NBEA: variants seen among roughly 807,000 people sequenced by gnomAD.
The protein encoded by NBEA is lysosomal-trafficking regulator 2.
A neutral mutation model predicts 343.4 loss-of-function variants in NBEA; 44 were observed. The ratio of observed to expected loss-of-function variants is 0.13; its 90% CI spans 0.10 to 0.16. The LOEUF (loss-of-function observed/expected upper bound fraction) is 0.16, where lower values mean the gene tolerates loss of function less well. Among genes scored for constraint, NBEA ranks in the 10% least tolerant of loss-of-function variants. The pLI, the probability that NBEA is intolerant of heterozygous loss-of-function variation, is 1.00. For missense variants in NBEA, 2,555 were observed against 3,631.3 expected (o/e 0.70, Z 7.62); for synonymous variants, 1,175 against 1,238.7 (o/e 0.95, Z 1.08).
At chr13:35,661,490 C>A (rs2085087463) in intron 55 of NBEA, among the ~76,000 whole-genome samples, 1 of 152,168 alleles carries the variant, frequency 6.6e-6, no homozygotes, top group Non-Finnish European at 1.5e-5. Flanking sequence ...GGAAATGAAA[C>A]CACATCATGG....
At chr13:35,273,085 T>C (rs1373776615) in intron 34 of NBEA, among the ~76,000 whole-genome samples, 1 of 152,142 alleles carries the variant, frequency 6.6e-6, no homozygotes, top group Non-Finnish European at 1.5e-5. Context: ...TATTCTAAAA[T>C]TGACCACATA....
rs754350210 is a variant in NBEA at position 35,161,875 on chromosome 13, T to C, written c.3987T>C (p.Phe1329=). ...QFSPGPRTTM[F]RIPEFKWSPM... is the part of the protein sequence containing the mutation. ...GCCCAGGTCCACGGACTACAATGTTTCGTATTCCTGAGTTTAAATGGTCTC... is the reference window on the plus strand; with the variant it reads ...GCCCAGGTCCACGGACTACAATGTTCCGTATTCCTGAGTTTAAATGGTCTC... Residue 1329 remains phenylalanine (F), a synonymous_variant, in exon 23 of 59, where the codon TTT becomes TTC. Coordinates refer to ENST00000379939, the MANE Select transcript of NBEA (RefSeq NM_001385012.1). The C allele has an allele frequency of 1.3e-6, 2 of 1,599,054 alleles. No homozygotes were observed. Among genetic ancestry groups the C allele is most frequent in the Admixed American group, 3.4e-5 (2 of 58,006 alleles).
intron 35 of NBEA, among the ~76,000 whole-genome samples, chr13:35,302,578 T>A (rs957254533): frequency 6.6e-6 from 1 of 152,214 alleles, no homozygotes; most frequent in Non-Finnish European, 1.5e-5. Context: ...CCATATCATA[T>A]TAATGGAGCA....
At chr13:35,489,357 G>C (rs1337720314) in intron 41 of NBEA, among the ~76,000 whole-genome samples, 1 of 151,808 alleles carries the variant, frequency 6.6e-6, no homozygotes, top group African/African-American at 2.4e-5. Flanking sequence ...GTGCTTTGAG[G>C]AGTTTATAAG....
intron 38 of NBEA, among the ~76,000 whole-genome samples, chr13:35,395,944 T>A (rs1015659423): frequency 2.0e-5 from 3 of 152,212 alleles, no homozygotes; most frequent in African/African-American, 7.2e-5. Flanking sequence ...GATAATAATA[T>A]ACATAGCTAC....
At chr13:35,453,952 C>G (rs2046431620) in intron 40 of NBEA, among the ~76,000 whole-genome samples, 1 of 152,140 alleles carries the variant, frequency 6.6e-6, no homozygotes, top group African/African-American at 2.4e-5. Context: ...TTATATGGCT[C>G]CTGACCAATT....
chr13:35,184,898 C>T (rs2071584483), intron 30 of NBEA, among the ~76,000 whole-genome samples: 1 of 152,096 alleles, frequency 6.6e-6, no homozygotes, highest in African/African-American at 2.4e-5. Context: ...TGTGTACGCA[C>T]TCTGCAAAAT....
At chr13:35,476,202 T>TG (rs1426481477) in intron 41 of NBEA, 1 of 1,610,312 alleles carries the variant, frequency 6.2e-7, no homozygotes. Context: ...CCAATGCGGC[T>TG]GCTAGAGCTG....
At chr13:35,416,824 C>T (rs920339853) in intron 38 of NBEA, among the ~76,000 whole-genome samples, 4 of 152,148 alleles carry the variant, frequency 2.6e-5, no homozygotes, top group Admixed American at 2.6e-4. Context: ...ACCAGCTCCT[C>T]TTTGTACCTC....
At chr13:34,957,215 C>T (rs1470775381) in intron 1 of NBEA, among the ~76,000 whole-genome samples, 1 of 152,086 alleles carries the variant, frequency 6.6e-6, no homozygotes, top group African/African-American at 2.4e-5. Context: ...CTATGTATTG[C>T]TCCACACCTA....
chr13:35,579,141 T>A (rs533053742), intron 45 of NBEA, among the ~76,000 whole-genome samples: 1 of 152,264 alleles, frequency 6.6e-6, no homozygotes, highest in Admixed American at 6.5e-5. Flanking sequence ...CAGTTTTTTA[T>A]GATATATTAG....
chr13:35,313,873 T>C (rs1464223370), intron 36 of NBEA, among the ~76,000 whole-genome samples: 2 of 151,944 alleles, frequency 1.3e-5, no homozygotes, highest in African/African-American at 2.4e-5. Context: ...GCTAAAGAAA[T>C]TTGGCCAAGA....
chr13:35,530,439 A>AAAAT (rs56063794), intron 41 of NBEA, among the ~76,000 whole-genome samples: 30,574 of 151,708 alleles, frequency 0.2, 4,087 homozygotes, highest in African/African-American at 0.37. Context: ...AGCTGGGCTA[A>AAAAT]AAATAAATAA....
intron 1 of NBEA, among the ~76,000 whole-genome samples, chr13:34,992,260 A>ATT (rs1241605830): frequency 9.1e-5 from 12 of 132,414 alleles, no homozygotes; most frequent in Admixed American, 3.8e-4. Context: ...ATATATATAT[A>ATT]TATTTTTTTT....
chr13:35,123,650 T>G, intron 17 of NBEA, 76 bp downstream of exon 17: 1 of 882,474 alleles, frequency 1.1e-6, no homozygotes, highest in Non-Finnish European at 1.6e-6. Context: ...CTATGTAATG[T>G]AGCATGAAAT....
intron 34 of NBEA, among the ~76,000 whole-genome samples, chr13:35,281,612 G>A (rs1044216083): frequency 5.3e-5 from 8 of 151,750 alleles, no homozygotes; most frequent in African/African-American, 1.5e-4. Context: ...CTTTGACTTC[G>A]TGAATATCTT....
At chr13:35,418,424 G>A (rs538617204) in intron 38 of NBEA, among the ~76,000 whole-genome samples, 1 of 152,096 alleles carries the variant, frequency 6.6e-6, no homozygotes, top group East Asian at 1.9e-4. Context: ...GAAACTATGT[G>A]CTTGTATAGT....
chr13:35,296,362 C>CA (rs1382668315), intron 35 of NBEA, among the ~76,000 whole-genome samples: 2 of 140,726 alleles, frequency 1.4e-5, no homozygotes, highest in Non-Finnish European at 3.0e-5. Context: ...GCCTAGGCGA[C>CA]AGAGCGAGAC....
intron 1 of NBEA, among the ~76,000 whole-genome samples, chr13:34,975,470 C>G (rs760163733): frequency 3.9e-5 from 6 of 152,118 alleles, no homozygotes; most frequent in Non-Finnish European, 5.9e-5. Context: ...GACCTGAAAC[C>G]ATAAAGAATC....
Sources: gnomAD v4.1 joint callset for allele counts (sites outside exome capture counted in the v4.1 genomes callset) on GRCh38, gnomAD v4.1.1 for gene constraint, MANE v1.5 for transcripts, NCBI Gene and HGNC (gene_info 2026-07-23, HGNC 2026-07-21) for gene names.